Variants in DPY19L4 observed in about 807,000 individuals in gnomAD.
DPY19L4 encodes the protein probable C-mannosyltransferase DPY19L4.
Under a neutral mutation model 102.8 loss-of-function variants are expected in DPY19L4, and 97 were observed. The ratio of observed to expected loss-of-function variants is 0.94; its 90% CI spans 0.80 to 1.12. The LOEUF is 1.12. Among genes scored for constraint, DPY19L4 ranks in the 50% most tolerant of loss-of-function variants. DPY19L4 has a pLI of 0.00. For synonymous variants in DPY19L4, 252 were observed against 283.1 expected, an observed-to-expected ratio of 0.89 and a Z score of 1.10; for missense variants, 815 against 850.4, an observed-to-expected ratio of 0.96 and a Z score of 0.52.
intron 6 of DPY19L4, among the ~76,000 whole-genome samples, chr8:94,755,778 A>C (rs1812133552): frequency 6.6e-6 from 1 of 152,094 alleles, no homozygotes; most frequent in Non-Finnish European, 1.5e-5. Flanking sequence ...CCAGCTACGC[A>C]GGAGGCTGAG....
In DPY19L4 at chr8:94,761,710, A is replaced by T; in HGVS notation, c.746A>T (p.Tyr249Phe). ...ATTTGTTTTCCCTAGAGGTTTTGCT[A>T]CTTGTTGATGAGTGCTTCAACTTAC... ...NLNTYGERFC[Y>F]LLMSASTYTF... Residue 249 changes from tyrosine to phenylalanine, a missense_variant, in exon 8 of 19, where the codon TAC becomes TTC. Physicochemically the swap from Tyr to Phe is conservative, Grantham distance 22 (BLOSUM62 3). Transcript: ENST00000414645. The T allele has an allele frequency of 6.3e-7, 1 of 1,595,316 alleles. No individual in the cohort carries two copies. The highest frequency in any genetic ancestry group is 2.3e-5 in the East Asian group (1 of 44,396).
intron 1 of DPY19L4, among the ~76,000 whole-genome samples, chr8:94,720,780 C>T (rs572082782): frequency 1.3e-5 from 2 of 152,276 alleles, no homozygotes; most frequent in Admixed American, 1.3e-4. Flanking sequence ...TAGTGATAAA[C>T]AATACAAGGA....
At chr8:94,777,025 G>A (rs954810320) in intron 13 of DPY19L4, among the ~76,000 whole-genome samples, 6 of 151,076 alleles carry the variant, frequency 4.0e-5, no homozygotes, top group African/African-American at 1.5e-4. Context: ...ATATTTTTAG[G>A]CTACATTACT....
intron 13 of DPY19L4, among the ~76,000 whole-genome samples, chr8:94,771,862 CA>C (rs1812951427): frequency 6.6e-6 from 1 of 152,086 alleles, no homozygotes; most frequent in African/African-American, 2.4e-5. Context: ...CTTTCAATGG[CA>C]AATGACATTT....
chr8:94,754,867 C>T (rs945964961), intron 6 of DPY19L4, among the ~76,000 whole-genome samples: 7 of 152,192 alleles, frequency 4.6e-5, no homozygotes, highest in African/African-American at 1.7e-4. Context: ...CTGCTCTCTG[C>T]AACCTCCGCC....
Position 94,780,417 on chromosome 8 carries a change from TA to T in DPY19L4, c.1632+9del. ...ATAGGTCTCAGCTTATGGAAAGAGG[TA>T]AAAAAATTAGATTTTTATATTAATA... On this transcript the variant is annotated splice_donor_region_variant and intron_variant, in intron 15 of 18. Coordinates refer to ENST00000414645, the MANE Select transcript of DPY19L4 (RefSeq NM_181787.3). 3.5e-6 allele frequency: 5 copies of T among 1,448,002 alleles called. No individual in the cohort carries two copies. Among genetic ancestry groups the T allele is most frequent in the South Asian group, 3.4e-5 (2 of 58,976 alleles). The allele number at this position is 1,448,002 out of a possible 1,614,324, so 89.7% of individuals were successfully genotyped here.
chr8:94,767,779 A>G (rs1315128042), intron 11 of DPY19L4, among the ~76,000 whole-genome samples: 3 of 152,284 alleles, frequency 2.0e-5, no homozygotes, highest in African/African-American at 7.2e-5. Flanking sequence ...TATGTGAACC[A>G]CTTATGTAAT....
chr8:94,736,158 G>C (rs1372611284), intron 3 of DPY19L4, among the ~76,000 whole-genome samples: 1 of 152,140 alleles, frequency 6.6e-6, no homozygotes, highest in African/African-American at 2.4e-5. Flanking sequence ...AGGGATCGCT[G>C]TGGGGCCTCT....
At chr8:94,740,559 A>G (rs908211986) in intron 6 of DPY19L4, among the ~76,000 whole-genome samples, 8 of 152,012 alleles carry the variant, frequency 5.3e-5, no homozygotes, top group African/African-American at 1.9e-4. Context: ...GGTTCACACC[A>G]TTCTCCTGCC....
At chr8:94,766,790 C>T (rs888437144) in intron 11 of DPY19L4, 105 bp downstream of exon 11, 3 of 1,062,042 alleles carry the variant, frequency 2.8e-6, no homozygotes, top group African/African-American at 3.2e-5. Flanking sequence ...GTAATCCCAG[C>T]ACTTTAGGAG....
intron 3 of DPY19L4, among the ~76,000 whole-genome samples, chr8:94,736,188 C>A (rs1365197114): frequency 6.6e-6 from 1 of 152,120 alleles, no homozygotes; most frequent in Admixed American, 6.6e-5. Flanking sequence ...ACATTAATCC[C>A]ATTCTTGAGG....
chr8:94,777,006 T>G (rs1813216073), intron 13 of DPY19L4, among the ~76,000 whole-genome samples: 1 of 152,064 alleles, frequency 6.6e-6, no homozygotes, highest in Non-Finnish European at 1.5e-5. Flanking sequence ...TTTATACTCT[T>G]ATGCTAATAT....
chr8:94,750,457 A>G (rs575249791), intron 6 of DPY19L4, among the ~76,000 whole-genome samples: 150 of 152,328 alleles, frequency 9.8e-4, no homozygotes, highest in African/African-American at 3.3e-3. Context: ...AAGATTTGCT[A>G]TAATACTGAA....
At position 94,734,725 on chromosome 8, in the gene DPY19L4, G is replaced by A; in HGVS notation, c.223G>A (p.Glu75Lys). ...TGCTCTCTACTTATCAGCATACCAT[G>A]AACGGAAATTCTGGTTTTCCAACAG... ...MYALYLSAYH[E>K]RKFWFSNRQE... Residue 75 changes from glutamate (E) to lysine (K), a missense_variant, in exon 3 of 19, where the codon GAA becomes AAA. Glu to Lys is a moderately conservative substitution (Grantham distance 56, BLOSUM62 1). Coordinates refer to ENST00000414645, the MANE Select transcript of DPY19L4 (RefSeq NM_181787.3). 6.2e-7 allele frequency: 1 copy of A among 1,613,638 alleles called. No individual in the cohort carries two copies. Among genetic ancestry groups the A allele is most frequent in the Non-Finnish European group, 8.5e-7 (1 of 1,179,920 alleles).
At chr8:94,787,585 CAA>C (rs1813707383) in intron 17 of DPY19L4, among the ~76,000 whole-genome samples, 1 of 151,940 alleles carries the variant, frequency 6.6e-6, no homozygotes, top group South Asian at 2.1e-4. Flanking sequence ...TGAAGGATAT[CAA>C]GAGTTGATCC....
chr8:94,734,015 C>T (rs898272690), intron 2 of DPY19L4, among the ~76,000 whole-genome samples: 8 of 150,594 alleles, frequency 5.3e-5, no homozygotes, highest in Middle Eastern at 3.5e-3. Context: ...AATTTAAGAT[C>T]ATATGTTATT....
intron 2 of DPY19L4, among the ~76,000 whole-genome samples, chr8:94,730,489 T>TA (rs1402461433): frequency 6.6e-6 from 1 of 152,026 alleles, no homozygotes; most frequent in African/African-American, 2.4e-5. Flanking sequence ...CTCGTGCCTG[T>TA]AATCCCAGCA....
rs147315561 is a variant in DPY19L4 at position 94,788,094 on chromosome 8, TA to T, written c.2007+43del. The T allele has an allele frequency of 8.2e-3, 8,685 of 1,059,760 alleles. 446 individuals are homozygous for T. The African/African-American group carries it at 0.13, about 15-fold the overall frequency. 65.6% of individuals were successfully genotyped at this position (1,059,760 alleles called of 1,614,324 possible). ...AAAGTTATATATATGTATATATATA[TA>T]TTTTTTTTTTAGAAAAATGACTTTA... On this transcript the variant is annotated intron_variant, in intron 18 of 18. Transcript: ENST00000414645.
intron 1 of DPY19L4, among the ~76,000 whole-genome samples, chr8:94,720,684 A>T (rs1054307805): frequency 5.3e-5 from 8 of 152,198 alleles, no homozygotes; most frequent in Non-Finnish European, 1.0e-4. Context: ...ATCAATGCTA[A>T]GATAAGTAAT....
Sources: allele counts gnomAD v4.1 joint callset (sites outside exome capture counted in the v4.1 genomes callset), GRCh38; gene constraint gnomAD v4.1.1; transcripts MANE v1.5; gene names NCBI Gene and HGNC (gene_info 2026-07-23, HGNC 2026-07-21).